Variants in TCTN2 observed in about 807,000 individuals in gnomAD.
TCTN2 encodes tectonic family member 2, also known as tectonic-2.
TCTN2 carries 66 observed loss-of-function variants against 83.4 expected under a neutral mutation model. The ratio of observed to expected loss-of-function variants is 0.79; its 90% CI spans 0.65 to 0.97. The LOEUF (loss-of-function observed/expected upper bound fraction) is 0.97, where lower values mean the gene tolerates loss of function less well. TCTN2 is among the 50% of genes least tolerant of loss of function. The pLI, the probability that TCTN2 is intolerant of heterozygous loss-of-function variation, is 0.00. For synonymous variants in TCTN2, 301 were observed against 326.7 expected (o/e 0.92, Z 0.85); for missense variants, 794 against 858.1 (o/e 0.93, Z 0.93).
At position 123,671,498 on chromosome 12, in the gene TCTN2, C is replaced by G. The variant is rs775671051; in HGVS notation, c.83-9C>G. On this transcript the variant is annotated splice_polypyrimidine_tract_variant and intron_variant, in intron 1 of 17. Coordinates refer to ENST00000303372, the MANE Select transcript of TCTN2 (RefSeq NM_024809.5). ...TAACCCCTCCTTGTCCCCTTTCCTT[C>G]CCGCCTAGCTTTCATCCCTCCTTTT... 3.2e-5 allele frequency: 51 copies of G among 1,613,682 alleles called. 1 individual carries two copies. The Admixed American group carries it at 8.5e-4, about 27-fold the overall frequency.
At chr12:123,695,153 CTA>C (rs1956092125) in intron 10 of TCTN2, 65 bp from the exon 11 acceptor site, 12 of 1,385,134 alleles carry the variant, frequency 8.7e-6, no homozygotes, top group Non-Finnish European at 1.2e-5. Context: ...AAGGTAAACA[CTA>C]TGGAGAATAA....
chr12:123,681,446 A>G (rs1458570702), intron 5 of TCTN2, among the ~76,000 whole-genome samples: 1 of 152,084 alleles, frequency 6.6e-6, no homozygotes, highest in African/African-American at 2.4e-5. Context: ...CTCTGTCTCC[A>G]TGAATTTGCC....
rs762057316 is a variant in TCTN2, at chr12:123,707,045, T to A, written c.1956T>A (p.Leu652=). ...GAAATGAGGTGTGTTGGCCGCAGCT[T>A]CTATATCCATGGACTCAGTATTATC... is the stretch of plus-strand genomic sequence containing the variant. The part of the protein sequence containing the change: ...CNRNEVCWPQ[L]LYPWTQYYQG... Residue 652 remains leucine, a synonymous_variant, in exon 17 of 18, where the codon CTT becomes CTA. Transcript: ENST00000303372. 1 of 1,613,750 alleles carries A rather than the reference T, an allele frequency of 6.2e-7. No homozygotes were observed. The highest frequency in any genetic ancestry group is 1.7e-5 in the Admixed American group (1 of 60,000).
intron 17 of TCTN2, 45 bp downstream of exon 17, chr12:123,707,118 T>TA (rs748769556): frequency 1.2e-5 from 18 of 1,561,842 alleles, no homozygotes; most frequent in Non-Finnish European, 1.6e-5. Context: ...TATGTCAATT[T>TA]AAAAAAATTT....
intron 9 of TCTN2, among the ~76,000 whole-genome samples, chr12:123,694,374 C>T (rs1397435427): frequency 6.6e-6 from 1 of 152,216 alleles, no homozygotes; most frequent in Non-Finnish European, 1.5e-5. Flanking sequence ...GGTGATCTGC[C>T]CACCTCGGCC....
chr12:123,686,150 A>T (rs575670678), intron 5 of TCTN2, among the ~76,000 whole-genome samples: 4 of 151,552 alleles, frequency 2.6e-5, no homozygotes, highest in Non-Finnish European at 5.9e-5. Context: ...GGGCTCAAGC[A>T]ATTCTCATGG....
chr12:123,687,777 C>T (rs1228360038), intron 6 of TCTN2, among the ~76,000 whole-genome samples: 1 of 152,060 alleles, frequency 6.6e-6, no homozygotes, highest in Non-Finnish European at 1.5e-5. Flanking sequence ...AGCCTGGGTA[C>T]GTGGTGAAAC....
chr12:123,697,123 C>T lies in TCTN2; in HGVS notation c.1430C>T (p.Pro477Leu), dbSNP rs749989620. The T allele has an allele frequency of 7.4e-6, 12 of 1,613,850 alleles. No homozygotes were observed. Among genetic ancestry groups the T allele is most frequent in the African/African-American group, 1.3e-5 (1 of 74,906 alleles). The part of the protein sequence containing the change: ...RGLCTSATFK[P>L]ILFGENVLSG... The stretch of plus-strand genomic sequence containing the variant: ...CTGTGTACATCAGCAACTTTCAAAC[C>T]CATTTTATTTGGAGAAAATGTACTC... The change falls in exon 13 of 18, where the codon CCC (proline) becomes CTC (leucine). Residue 477 changes from proline (P) to leucine (L), a missense_variant. By Grantham distance (98) the Pro-to-Leu change is moderately conservative. Coordinates refer to ENST00000303372, the MANE Select transcript of TCTN2 (RefSeq NM_024809.5).
intron 9 of TCTN2, among the ~76,000 whole-genome samples, chr12:123,694,179 G>A (rs954803857): frequency 6.6e-6 from 1 of 152,072 alleles, no homozygotes; most frequent in African/African-American, 2.4e-5. Flanking sequence ...ATTGTTAGTA[G>A]AGAGGGGGTT....
chr12:123,696,647 GT>G (rs2135849196), intron 12 of TCTN2, 152 bp downstream of exon 12: 2 of 734,728 alleles, frequency 2.7e-6, no homozygotes, highest in African/African-American at 1.7e-5. Context: ...AGTGATGATG[GT>G]TTTTCCTGCT....
chr12:123,694,773 G>A lies in TCTN2; in HGVS notation c.1100-69G>A. ...TTGGGGAAGGCCACGCAAGCAGAGAGAACCTCCCAGTAACAGAGTCAGGCT... is the reference window on the plus strand; with the variant it reads ...TTGGGGAAGGCCACGCAAGCAGAGAAAACCTCCCAGTAACAGAGTCAGGCT... On this transcript the variant is annotated intron_variant, in intron 9 of 17. Transcript: ENST00000303372. 12 of 1,572,456 alleles carry A rather than the reference G, an allele frequency of 7.6e-6. No individual in the cohort carries two copies. The South Asian group carries it at 1.2e-4, about 16-fold the overall frequency.
rs753905088 is a variant in TCTN2, at chr12:123,704,671, A to G, written c.1752A>G (p.Ile584Met). ...GAVEGITQQE[I>M]LGVETRFSSV... ...TGGAAGGGATTACTCAGCAGGAGAT[A>G]CTCGGTGTAGAGACAAGGTATGATC... is the stretch of plus-strand genomic sequence containing the variant. Residue 584 changes from isoleucine (I) to methionine (M), a missense_variant, in exon 15 of 18, where the codon ATA (isoleucine) becomes ATG (methionine). By Grantham distance (10) the Ile-to-Met change is conservative. Transcript: ENST00000303372. The G allele has an allele frequency of 2.1e-5, 34 of 1,613,398 alleles. No homozygotes were observed. The highest frequency in any genetic ancestry group is 1.7e-4 in the Middle Eastern group (1 of 6,058).
At position 123,699,766 on chromosome 12, in the gene TCTN2, A is replaced by G. The variant is rs770199157; in HGVS notation, c.1568A>G (p.Asn523Ser). ...IQATHVAMRG[N>S]SDYADLSDGW... The stretch of plus-strand genomic sequence containing the variant: ...GCGACTCACGTTGCAATGAGAGGCA[A>G]CTCCGATTACGCTGATCTTAGTGAT... Residue 523 changes from asparagine (N) to serine (S), a missense_variant, in exon 14 of 18, where the codon AAC becomes AGC. Coordinates refer to ENST00000303372, the MANE Select transcript of TCTN2 (RefSeq NM_024809.5). 1 of 1,614,128 alleles carries G rather than the reference A, an allele frequency of 6.2e-7. No individual in the cohort carries two copies. Among genetic ancestry groups the G allele is most frequent in the Non-Finnish European group, 8.5e-7 (1 of 1,180,034 alleles).
chr12:123,696,528 T>C (rs1956111824), intron 12 of TCTN2, 33 bp downstream of exon 12: 1 of 1,562,988 alleles, frequency 6.4e-7, no homozygotes, highest in East Asian at 2.2e-5. Flanking sequence ...ATTAGCCCTT[T>C]GGCAAATTGG....
intron 5 of TCTN2, among the ~76,000 whole-genome samples, chr12:123,680,009 G>A (rs1172371798): frequency 1.3e-5 from 2 of 151,768 alleles, no homozygotes; most frequent in Non-Finnish European, 2.9e-5. Flanking sequence ...AAAGTGCGGG[G>A]ATTACAGGCG....
intron 4 of TCTN2, among the ~76,000 whole-genome samples, chr12:123,674,941 G>A (rs993147838): frequency 3.3e-5 from 5 of 152,028 alleles, no homozygotes; most frequent in Admixed American, 1.3e-4. Flanking sequence ...GCAGGGGCAC[G>A]ATCCTGGCTT....
intron 13 of TCTN2, 44 bp downstream of exon 13, chr12:123,697,242 G>T: frequency 4.3e-6 from 6 of 1,387,716 alleles, no homozygotes; most frequent in Non-Finnish European, 4.1e-6. Context: ...TGAATGGTTT[G>T]CCTAGAATTA....
At chr12:123,672,789 G>C (rs191049534) in intron 3 of TCTN2, among the ~76,000 whole-genome samples, 27 of 152,212 alleles carry the variant, frequency 1.8e-4, no homozygotes, top group Non-Finnish European at 3.1e-4. Flanking sequence ...GGTGGCTCAC[G>C]CCTGTAATCC....
At chr12:123,684,935 A>G (rs909928066) in intron 5 of TCTN2, among the ~76,000 whole-genome samples, 12 of 151,670 alleles carry the variant, frequency 7.9e-5, no homozygotes, top group African/African-American at 2.4e-4. Flanking sequence ...CTGTAGTCCC[A>G]GCTACTCAGG....
Sources: allele counts gnomAD v4.1 joint callset (sites outside exome capture counted in the v4.1 genomes callset), GRCh38; gene constraint gnomAD v4.1.1; transcripts MANE v1.5; gene names NCBI Gene and HGNC (gene_info 2026-07-23, HGNC 2026-07-21).